Variants in PALLD observed in about 807,000 individuals in gnomAD.
PALLD encodes palladin, cytoskeletal associated protein.
PALLD carries 61 observed loss-of-function variants against 123.5 expected under a neutral mutation model. That is an observed-to-expected ratio of 0.49 (90% CI 0.40 to 0.61). The LOEUF is 0.61. Ranked by LOEUF, PALLD falls within the 20% of genes least tolerant of loss-of-function variation. The pLI, the probability that PALLD is intolerant of heterozygous loss-of-function variation, is 0.00. For synonymous variants in PALLD, 465 were observed against 496.4 expected (o/e 0.94, Z 0.84); for missense variants, 1,273 against 1,377.0 (o/e 0.92, Z 1.20).
At chr4:168,694,258 A>G (rs939775176) in intron 8 of PALLD, among the ~76,000 whole-genome samples, 4 of 152,198 alleles carry the variant, frequency 2.6e-5, no homozygotes, top group African/African-American at 9.7e-5. Flanking sequence ...ACGTGACTAC[A>G]ATACATCTGA....
chr4:168,886,565 C>T (rs1274978205), intron 10 of PALLD, among the ~76,000 whole-genome samples: 1 of 152,080 alleles, frequency 6.6e-6, no homozygotes, highest in South Asian at 2.1e-4. Context: ...GCTTGAGCCT[C>T]CTAGGATGTC....
At chr4:168,735,408 CT>C (rs1275273672) in intron 10 of PALLD, among the ~76,000 whole-genome samples, 12 of 152,164 alleles carry the variant, frequency 7.9e-5, no homozygotes, top group Non-Finnish European at 1.6e-4. Context: ...GAGAGAACAG[CT>C]TTAAGAAAAG....
In PALLD at chr4:168,844,476, G is replaced by A. The variant is rs1051682209; in HGVS notation, c.1965-46446G>A. On this transcript the variant is annotated intron_variant, in intron 10 of 21. Coordinates refer to ENST00000505667, the MANE Select transcript of PALLD (RefSeq NM_001166108.2). This position sits in a 1 kb window ranked among gnomAD's most constrained non-coding sequence, Gnocchi z 4.5. ...AGCCTTGAGAATTTCAAGAATTTGTGGATTTCAGAATGGTTGAGCAGCTCA... is the reference window on the plus strand; with the variant it reads ...AGCCTTGAGAATTTCAAGAATTTGTAGATTTCAGAATGGTTGAGCAGCTCA... 6.6e-5 allele frequency: 10 copies of A among 152,236 alleles called. No homozygotes were observed. Among genetic ancestry groups the A allele is most frequent in the African/African-American group, 2.4e-4 (10 of 41,452 alleles). 9.4% of individuals were successfully genotyped at this position (152,236 alleles called of 1,614,324 possible).
chr4:168,646,245 C>G (rs1777437976), intron 2 of PALLD, among the ~76,000 whole-genome samples: 1 of 152,112 alleles, frequency 6.6e-6, no homozygotes, highest in South Asian at 2.1e-4. Flanking sequence ...GCCCAAATAC[C>G]CCTCCTTTGA....
chr4:168,711,789 G>T lies in PALLD; in HGVS notation c.1830G>T (p.Thr610=). Residue 610 remains threonine, a synonymous_variant, in exon 10 of 22, where the codon ACG becomes ACT. Coordinates refer to ENST00000505667, the MANE Select transcript of PALLD (RefSeq NM_001166108.2). ...QMQFNAAERE[T]NGVHPSRGVN... ...AATTCAATGCTGCTGAGAGGGAAAC[G>T]AACGGAGTCCATCCCAGCCGTGGAG... 2 of 1,614,114 alleles carry T rather than the reference G, an allele frequency of 1.2e-6. No individual in the cohort carries two copies. Among genetic ancestry groups the T allele is most frequent in the Non-Finnish European group, 1.7e-6 (2 of 1,180,002 alleles).
intron 8 of PALLD, among the ~76,000 whole-genome samples, chr4:168,696,939 A>T (rs1270433053): frequency 6.6e-6 from 1 of 152,236 alleles, no homozygotes; most frequent in African/African-American, 2.4e-5. Context: ...ACTGAAAGTT[A>T]TCAATTGCCA....
At chr4:168,546,572 G>A (rs974677763) in intron 2 of PALLD, among the ~76,000 whole-genome samples, 1 of 152,218 alleles carries the variant, frequency 6.6e-6, no homozygotes, top group Middle Eastern at 3.4e-3. Context: ...GAGTTACCAT[G>A]AGAATTTAAG....
In PALLD at chr4:168,511,495, C is replaced by A. The variant is rs755538256; in HGVS notation, c.-10C>A. 2 of 1,608,990 alleles carry A rather than the reference C, an allele frequency of 1.2e-6. No individual in the cohort carries two copies. The highest frequency in any genetic ancestry group is 4.5e-5 in the East Asian group (2 of 44,850). On this transcript the variant is annotated 5_prime_UTR_variant, in exon 2 of 22. Coordinates refer to ENST00000505667, the MANE Select transcript of PALLD (RefSeq NM_001166108.2). The stretch of plus-strand genomic sequence containing the variant: ...AAAGCAGACACAGAGTGCATGAAGA[C>A]CGTTCAAATATGTCAGGGACCTCCT...
At chr4:168,698,676 G>A (rs995095416) in intron 8 of PALLD, among the ~76,000 whole-genome samples, 16 of 151,962 alleles carry the variant, frequency 1.1e-4, no homozygotes, top group African/African-American at 3.1e-4. Context: ...TGAGTGCCCC[G>A]TGGGGCTTTT....
At chr4:168,524,626 A>G (rs758327870) in intron 2 of PALLD, among the ~76,000 whole-genome samples, 39 of 152,336 alleles carry the variant, frequency 2.6e-4, no homozygotes, top group Non-Finnish European at 4.4e-4. Context: ...CTCTACTGCC[A>G]TAACCCTTCT....
chr4:168,852,767 CT>C (rs1287486171), intron 10 of PALLD, among the ~76,000 whole-genome samples: 28 of 152,200 alleles, frequency 1.8e-4, no homozygotes, highest in Non-Finnish European at 5.9e-5. Flanking sequence ...TAGATTTATT[CT>C]GCTTTGTGGG....
intron 2 of PALLD, among the ~76,000 whole-genome samples, chr4:168,547,560 A>G (rs1766261733): frequency 7.9e-6 from 1 of 127,048 alleles, no homozygotes; most frequent in African/African-American, 2.9e-5. Context: ...TATCTCTAAT[A>G]AAATACAAAA....
chr4:168,719,947 A>G (rs561585451), intron 10 of PALLD, among the ~76,000 whole-genome samples: 3 of 152,280 alleles, frequency 2.0e-5, no homozygotes, highest in South Asian at 4.2e-4. Flanking sequence ...TCCATTGTGT[A>G]TATGTACCAC....
intron 10 of PALLD, among the ~76,000 whole-genome samples, chr4:168,803,796 T>C (rs1374159448): frequency 6.6e-6 from 1 of 152,074 alleles, no homozygotes; most frequent in Non-Finnish European, 1.5e-5. Context: ...CAGGGCCCCA[T>C]GTTGTTAGAG....
At chr4:168,682,483 T>C (rs1000012307) in intron 4 of PALLD, among the ~76,000 whole-genome samples, 2 of 152,152 alleles carry the variant, frequency 1.3e-5, no homozygotes, top group Non-Finnish European at 2.9e-5. Flanking sequence ...AATATCTCAC[T>C]AACTTATATG....
At chr4:168,726,480 G>A (rs1210952578) in intron 10 of PALLD, among the ~76,000 whole-genome samples, 1 of 152,130 alleles carries the variant, frequency 6.6e-6, no homozygotes, top group Non-Finnish European at 1.5e-5. Flanking sequence ...TACACCTTGT[G>A]TTCAGTAGAC....
At chr4:168,894,745 A>T (rs1754757764) in intron 12 of PALLD, 68 bp downstream of exon 12, 2 of 1,570,014 alleles carry the variant, frequency 1.3e-6, no homozygotes, top group East Asian at 4.8e-5. Context: ...TTCCTTATGG[A>T]TACTGTTCTT....
chr4:168,775,546 G>C (rs185065466), intron 10 of PALLD, among the ~76,000 whole-genome samples: 8 of 152,158 alleles, frequency 5.3e-5, no homozygotes, highest in Admixed American at 2.6e-4. Context: ...TTTTGATGAA[G>C]TCAAATTTAT....
chr4:168,758,031 A>G lies in PALLD; in HGVS notation c.1964+46108A>G, dbSNP rs138908191. Among the ~76,000 whole-genome samples the G allele has an allele frequency of 2.0e-3, 302 of 152,320 alleles. 2 individuals are homozygous for G. Among genetic ancestry groups the G allele is most frequent in the African/African-American group, 6.8e-3 (283 of 41,564 alleles). On this transcript the variant is annotated intron_variant, in intron 10 of 21. Transcript: ENST00000505667. ...GGTTGCAGCAAGCTGAGATCACGCA[A>G]CTACACTCCAGCCTGGGCGACAGAG...
Sources: gnomAD v4.1 joint callset for allele counts (sites outside exome capture counted in the v4.1 genomes callset) on GRCh38, gnomAD v4.1.1 for gene constraint, Gnocchi (gnomAD v3.1) non-coding constraint, MANE v1.5 for transcripts, NCBI Gene and HGNC (gene_info 2026-07-23, HGNC 2026-07-21) for gene names.